The following PRKCG variants were observed in gnomAD, a reference collection of about 807,000 sequenced individuals.
PRKCG encodes protein kinase C gamma type.
A neutral mutation model predicts 82.0 loss-of-function variants in PRKCG; 28 were observed. The observed-to-expected ratio is 0.34, with a 90% CI of 0.25 to 0.47. PRKCG has a LOEUF of 0.47. Among genes scored for constraint, PRKCG ranks in the 20% least tolerant of loss-of-function variants. The pLI is 1.00. For missense variants in PRKCG, 640 were observed against 952.7 expected (o/e 0.67, Z 4.32); for synonymous variants, 383 against 376.6 (o/e 1.02, Z -0.20).
rs531659714 is a variant in PRKCG, at chr19:53,889,755, T to C, written c.397+6T>C. 6.2e-7 allele frequency: 1 copy of C among 1,613,212 alleles called. No individual in the cohort carries two copies. The highest frequency in any genetic ancestry group is 1.1e-5 in the South Asian group (1 of 90,908). On this transcript the variant is annotated splice_donor_region_variant and intron_variant, in intron 4 of 17. Coordinates refer to ENST00000263431, the MANE Select transcript of PRKCG (RefSeq NM_002739.5). This position sits in a 1 kb window ranked among gnomAD's most constrained non-coding sequence, Gnocchi z 4.4. ...CCAGGGCATGAAATGCTCCTGTGAG[T>C]GACCTGGGCCTTGCCAGGGCCCTTC...
chr19:53,893,508 T>TCA, intron 9 of PRKCG, 117 bp downstream of exon 9: 8 of 1,147,076 alleles, frequency 7.0e-6, no homozygotes, highest in African/African-American at 1.5e-5. Context: ...ACATTTGTGC[T>TCA]AGGCCTGTCT....
rs566297370 is a variant in PRKCG, at chr19:53,898,053, G to C, written c.1034G>C (p.Arg345Pro). Residue 345 changes from arginine (R) to proline (P), a missense_variant, in exon 10 of 18, where the codon CGC becomes CCC. By Grantham distance (103) the Arg-to-Pro change is moderately radical. Transcript: ENST00000263431. ...TGCTTCTTCGGGGCGAGTCCAGGAC[G>C]CCTGCACATCTCCGACTTCAGCTTC... ...KRCFFGASPG[R>P]LHISDFSFLM... 1.2e-6 allele frequency: 2 copies of C among 1,614,092 alleles called. No individual in the cohort carries two copies. Among genetic ancestry groups the C allele is most frequent in the South Asian group, 1.1e-5 (1 of 91,082 alleles).
In PRKCG at chr19:53,889,558, G is replaced by A; in HGVS notation, c.286-80G>A. ...CAGGCTGACCTAGAGAGCAAGGCAG[G>A]AGGAAAAGATAAAAGGGCCCCTCCC... On this transcript the variant is annotated intron_variant, in intron 3 of 17. Transcript: ENST00000263431. This position sits in a 1 kb window ranked among gnomAD's most constrained non-coding sequence, Gnocchi z 4.4. 1 of 1,025,846 alleles carries A rather than the reference G, an allele frequency of 9.7e-7. No homozygotes were observed. Among genetic ancestry groups the A allele is most frequent in the East Asian group, 2.5e-5 (1 of 39,444 alleles). 63.5% of individuals were successfully genotyped at this position (1,025,846 alleles called of 1,614,324 possible).
chr19:53,891,032 G>C (rs1024077651), intron 5 of PRKCG, among the ~76,000 whole-genome samples: 2 of 151,726 alleles, frequency 1.3e-5, no homozygotes, highest in South Asian at 4.2e-4. Context: ...GATTACAGGG[G>C]TGAGGACCGT....
chr19:53,906,257 G>A (rs1436614639), intron 16 of PRKCG, 60 bp from the exon 17 acceptor site: 1 of 1,546,206 alleles, frequency 6.5e-7, no homozygotes, highest in African/African-American at 1.4e-5. Context: ...TCTTTCTCTG[G>A]GTCTACCTGT....
Position 53,883,115 on chromosome 19 carries a change from G to T in PRKCG, c.171-48G>T, listed in dbSNP as rs2068605330. ...CCCCTGTGGCTCGCAGAGGTTGGGG[G>T]TCCAGGTACCCCTTTCTGCACTGAC... is the stretch of plus-strand genomic sequence containing the variant. On this transcript the variant is annotated intron_variant, in intron 1 of 17. Transcript: ENST00000263431. This position sits in a 1 kb window ranked among gnomAD's most constrained non-coding sequence, Gnocchi z 5.4. 1 of 1,612,206 alleles carries T rather than the reference G, an allele frequency of 6.2e-7. No individual in the cohort carries two copies. Among genetic ancestry groups the T allele is most frequent in the Non-Finnish European group, 8.5e-7 (1 of 1,178,364 alleles).
chr19:53,895,487 C>CAAAAA (rs760577483), intron 9 of PRKCG, among the ~76,000 whole-genome samples: 5 of 62,836 alleles, frequency 8.0e-5, no homozygotes, highest in African/African-American at 2.3e-4. Context: ...GACTCTGTCT[C>CAAAAA]AAAAAAAAAA....
Position 53,884,516 on chromosome 19 carries a change from G to C in PRKCG, c.285+273G>C, listed in dbSNP as rs1299063719. Among the ~76,000 whole-genome samples the C allele has an allele frequency of 6.6e-6, 1 of 152,132 alleles. No individual in the cohort carries two copies. Among genetic ancestry groups the C allele is most frequent in the African/African-American group, 2.4e-5 (1 of 41,426 alleles). On this transcript the variant is annotated intron_variant, in intron 3 of 17. Transcript: ENST00000263431. This position sits in a 1 kb window ranked among gnomAD's most constrained non-coding sequence, Gnocchi z 4.6. ...GCTGCCGGGGGTGGGCTGTGATCCA[G>C]GGGTGAAGGGATTTAAAAATTGAGA...
In PRKCG at chr19:53,895,917, G is replaced by A. The variant is rs538183370; in HGVS notation, c.940-2042G>A. Among the ~76,000 whole-genome samples the A allele has an allele frequency of 2.0e-5, 3 of 152,178 alleles. No individual in the cohort carries two copies. In the East Asian group the frequency reaches 5.8e-4, roughly 29 times the overall value. ...TACTAAAAATACAAAAAAATTAGCTGGGCGTGGTGGTGGGTGCCTGTAGTC... is the reference window on the plus strand; with the variant it reads ...TACTAAAAATACAAAAAAATTAGCTAGGCGTGGTGGTGGGTGCCTGTAGTC... On this transcript the variant is annotated intron_variant, in intron 9 of 17. Transcript: ENST00000263431.
In PRKCG at chr19:53,891,740, A is replaced by G. The variant is rs1341122223; in HGVS notation, c.596A>G (p.Lys199Arg). ...CTCTCTGATCCCTATGTGAAACTGA[A>G]GCTCATCCCAGACCCTCGGAACCTG... ...NGLSDPYVKL[K>R]LIPDPRNLTK... Residue 199 changes from lysine to arginine, a missense_variant, in exon 6 of 18, where the codon AAG (lysine) becomes AGG (arginine). By Grantham distance (26) the Lys-to-Arg change is conservative. Coordinates refer to ENST00000263431, the MANE Select transcript of PRKCG (RefSeq NM_002739.5). The G allele has an allele frequency of 6.2e-7, 1 of 1,613,964 alleles. No individual in the cohort carries two copies. The highest frequency in any genetic ancestry group is 2.2e-5 in the East Asian group (1 of 44,886).
In PRKCG at chr19:53,900,736, A is replaced by G. The variant is rs1202130595; in HGVS notation, c.1562A>G (p.Tyr521Cys). ...TTRTFCGTPD[Y>C]IAPEIIAYQP... ...CGCACCTTCTGCGGGACCCCGGACT[A>G]CATAGCCCCGGAGGTAACCCCAACC... The change falls in exon 14 of 18, where the codon TAC (tyrosine) becomes TGC (cysteine). Residue 521 changes from tyrosine to cysteine, a missense_variant. This residue lies in a region of PRKCG where 198 missense variants were observed against 273.4 expected (regional missense o/e 0.72). Transcript: ENST00000263431. This position sits in a 1 kb window ranked among gnomAD's most constrained non-coding sequence, Gnocchi z 4.2. The G allele has an allele frequency of 1.2e-6, 2 of 1,614,208 alleles. No homozygotes were observed. Among genetic ancestry groups the G allele is most frequent in the South Asian group, 2.2e-5 (2 of 91,092 alleles).
rs78437096 is a variant in PRKCG at position 53,906,876 on chromosome 19, T to G, written c.2075T>G (p.Val692Gly). Residue 692 changes from valine to glycine, a missense_variant, in exon 18 of 18, where the codon GTG becomes GGG. Val to Gly is a moderately radical substitution (Grantham distance 109). This residue lies in a region of PRKCG where 198 missense variants were observed against 273.4 expected (regional missense o/e 0.72). Transcript: ENST00000263431. ...HPDARSPTSP[V>G]PVPVM ...GATGCCCGCAGCCCCACCAGCCCAGTGCCTGTGCCCGTCATGTAATCTCAC... is the reference window on the plus strand; with the variant it reads ...GATGCCCGCAGCCCCACCAGCCCAGGGCCTGTGCCCGTCATGTAATCTCAC... 248 of 1,613,376 alleles carry G rather than the reference T, an allele frequency of 1.5e-4. No individual in the cohort carries two copies. The highest frequency in any genetic ancestry group is 2.0e-4 in the Non-Finnish European group (237 of 1,179,948).
chr19:53,884,254 G>C lies in PRKCG; in HGVS notation c.285+11G>C. The C allele has an allele frequency of 1.2e-6, 2 of 1,613,350 alleles. No homozygotes were observed. The highest frequency in any genetic ancestry group is 1.7e-6 in the Non-Finnish European group (2 of 1,179,770). On this transcript the variant is annotated intron_variant, in intron 3 of 17. Coordinates refer to ENST00000263431, the MANE Select transcript of PRKCG (RefSeq NM_002739.5). This position sits in a 1 kb window ranked among gnomAD's most constrained non-coding sequence, Gnocchi z 4.6. ...GGCCCCCAGACGGACGTGAGTGCTC[G>C]GACACCTGGTTCTCCTCCTCGGGCC...
At chr19:53,903,266 G>A in intron 15 of PRKCG, 113 bp downstream of exon 15, 1 of 843,618 alleles carries the variant, frequency 1.2e-6, no homozygotes, top group Non-Finnish European at 2.1e-6. Flanking sequence ...GAATAGCGCT[G>A]TCCATGGTTC....
intron 9 of PRKCG, among the ~76,000 whole-genome samples, chr19:53,896,022 T>G (rs1444628349): frequency 6.8e-6 from 1 of 147,520 alleles, no homozygotes; most frequent in Non-Finnish European, 1.5e-5. Flanking sequence ...ATCGTGCCAC[T>G]GCACTACAGC....
chr19:53,906,005 G>T (rs1343369271), intron 16 of PRKCG, among the ~76,000 whole-genome samples: 8 of 95,454 alleles, frequency 8.4e-5, no homozygotes, highest in Non-Finnish European at 1.3e-4. Context: ...GTCTCTCTCT[G>T]TCTCGCTCTC....
chr19:53,891,875 G>T, intron 6 of PRKCG, 45 bp downstream of exon 6: 3 of 1,612,716 alleles, frequency 1.9e-6, no homozygotes, highest in South Asian at 1.1e-5. Flanking sequence ...GACAGAGAAT[G>T]ATCTGAGGGT....
At chr19:53,903,768 C>A (rs1331481238) in intron 15 of PRKCG, among the ~76,000 whole-genome samples, 1 of 152,116 alleles carries the variant, frequency 6.6e-6, no homozygotes, top group African/African-American at 2.4e-5. Flanking sequence ...CAAAAGAAAT[C>A]AATCATTTTG....
At position 53,889,675 on chromosome 19, in the gene PRKCG, A is replaced by G. The variant is rs2122988484; in HGVS notation, c.323A>G (p.Tyr108Cys). The G allele has an allele frequency of 1.2e-6, 2 of 1,614,068 alleles. No homozygotes were observed. The highest frequency in any genetic ancestry group is 1.7e-6 in the Non-Finnish European group (2 of 1,180,012). ...RNKHKFRLHSYSSPTFCDHCG... is the reference protein window; with the variant it reads ...RNKHKFRLHSCSSPTFCDHCG... Reference sequence around the variant, plus strand: ...AAACACAAGTTCCGCCTGCATAGCTACAGCAGCCCCACCTTCTGCGACCAC... The same window carrying G: ...AAACACAAGTTCCGCCTGCATAGCTGCAGCAGCCCCACCTTCTGCGACCAC... The change falls in exon 4 of 18, where the codon TAC becomes TGC. Residue 108 changes from tyrosine to cysteine, a missense_variant. Around this residue, in one of 7 missense-constraint regions of PRKCG, gnomAD observed 50 missense variants for 146.5 expected, o/e 0.34. Transcript: ENST00000263431. The surrounding 1 kb of genome is among the most constrained non-coding windows in gnomAD (Gnocchi z 4.4).
Sources: allele counts gnomAD v4.1 joint callset (sites outside exome capture counted in the v4.1 genomes callset), GRCh38; gene constraint gnomAD v4.1.1; regional missense constraint gnomAD v4.1.1; non-coding constraint Gnocchi (gnomAD v3.1); transcripts MANE v1.5; gene names NCBI Gene and HGNC (gene_info 2026-07-23, HGNC 2026-07-21).